Variants in GLRA3 observed in about 807,000 individuals in gnomAD.
GLRA3 encodes glycine receptor alpha 3.
A neutral mutation model predicts 60.4 loss-of-function variants in GLRA3; 44 were observed. The observed-to-expected ratio is 0.73, with a 90% CI of 0.57 to 0.94. The LOEUF is 0.94. Ranked by LOEUF, GLRA3 falls within the 40% of genes least tolerant of loss-of-function variation. GLRA3 has a pLI of 0.00. For missense variants in GLRA3, 508 were observed against 564.6 expected (o/e 0.90, Z 1.02); for synonymous variants, 223 against 192.9 (o/e 1.16, Z -1.29).
At chr4:174,819,284 A>C (rs1457620804) in intron 1 of GLRA3, among the ~76,000 whole-genome samples, 4 of 152,218 alleles carry the variant, frequency 2.6e-5, no homozygotes, top group African/African-American at 9.6e-5. Context: ...TTGAATAAAC[A>C]TTTGCTGATA....
rs571130647 is a variant in GLRA3, at chr4:174,776,185, A to G, written c.200-9155T>C. On this transcript the variant is annotated intron_variant, in intron 2 of 9. Coordinates refer to ENST00000274093, the MANE Select transcript of GLRA3 (RefSeq NM_006529.4). ...TAGGGCAAACACAGTACCTGAAAAT[A>G]CCTCAAACCTTAAGCCTGCTCTATT... Among the ~76,000 whole-genome samples the G allele has an allele frequency of 1.4e-4, 22 of 152,286 alleles. No homozygotes were observed. In the South Asian group the frequency reaches 4.4e-3, roughly 30 times the overall value.
intron 9 of GLRA3, among the ~76,000 whole-genome samples, chr4:174,651,913 T>C (rs895509511): frequency 6.6e-6 from 1 of 152,042 alleles, no homozygotes; most frequent in Non-Finnish European, 1.5e-5. Flanking sequence ...GGATCTCAAC[T>C]CTGTGGGAAG....
intron 5 of GLRA3, among the ~76,000 whole-genome samples, chr4:174,692,386 C>A (rs1014283654): frequency 6.7e-6 from 1 of 150,358 alleles, no homozygotes; most frequent in African/African-American, 2.4e-5. Flanking sequence ...CTGGCCGCCC[C>A]TACTGGGAAG....
At chr4:174,698,999 CTTT>C (rs35453287) in intron 5 of GLRA3, among the ~76,000 whole-genome samples, 8 of 143,814 alleles carry the variant, frequency 5.6e-5, no homozygotes, top group Admixed American at 6.9e-5. Flanking sequence ...CTTATAATTA[CTTT>C]TTTTTTTTTT....
At chr4:174,802,769 A>G (rs1290066292) in intron 1 of GLRA3, among the ~76,000 whole-genome samples, 1 of 152,066 alleles carries the variant, frequency 6.6e-6, no homozygotes, top group Non-Finnish European at 1.5e-5. Context: ...TAAAAGAGAA[A>G]CTTGAGTCAT....
chr4:174,780,838 G>A (rs929215041), intron 2 of GLRA3, among the ~76,000 whole-genome samples: 1 of 152,162 alleles, frequency 6.6e-6, no homozygotes, highest in Non-Finnish European at 1.5e-5. Context: ...CCTACAAAGA[G>A]ACGTAGACAC....
intron 1 of GLRA3, among the ~76,000 whole-genome samples, chr4:174,804,497 G>C (rs1739954552): frequency 6.6e-6 from 1 of 152,038 alleles, no homozygotes; most frequent in Non-Finnish European, 1.5e-5. Flanking sequence ...GGAGAAGAGT[G>C]GAACAACCTA....
intron 3 of GLRA3, among the ~76,000 whole-genome samples, chr4:174,733,291 C>T (rs769616891): frequency 3.9e-5 from 6 of 152,158 alleles, no homozygotes; most frequent in Non-Finnish European, 1.5e-5. Flanking sequence ...GCAAAACACA[C>T]TGGACCTCTG....
rs541799594 is a variant in GLRA3 at position 174,681,171 on chromosome 4, A to G, written c.712+1631T>C. 3.9e-5 allele frequency among the ~76,000 whole-genome samples: 6 copies of G among 152,332 alleles called. No homozygotes were observed. In the South Asian group the frequency reaches 1.2e-3, roughly 32 times the overall value. ...CCTTGCTTATAGTAGGCATTCATAA[A>G]TGTAAGTTCTTTTCCTTTAAGCTGT... On this transcript the variant is annotated intron_variant, in intron 6 of 9. Coordinates refer to ENST00000274093, the MANE Select transcript of GLRA3 (RefSeq NM_006529.4).
At chr4:174,783,759 A>G (rs547382330) in intron 2 of GLRA3, among the ~76,000 whole-genome samples, 6 of 151,184 alleles carry the variant, frequency 4.0e-5, no homozygotes, top group Non-Finnish European at 7.4e-5. Context: ...GCAAATCAAA[A>G]CCACAATGAG....
intron 4 of GLRA3, among the ~76,000 whole-genome samples, chr4:174,725,734 A>G (rs540310624): frequency 6.6e-6 from 1 of 152,226 alleles, no homozygotes; most frequent in Non-Finnish European, 1.5e-5. Flanking sequence ...TGCCTGCCTC[A>G]GCCTCCCAAA....
intron 9 of GLRA3, among the ~76,000 whole-genome samples, chr4:174,652,285 A>G (rs766726025): frequency 2.4e-4 from 37 of 152,224 alleles, no homozygotes; most frequent in East Asian, 3.9e-4. Flanking sequence ...CTCATGGATT[A>G]CATGTCAAAA....
At chr4:174,801,737 C>G (rs1320303984) in intron 1 of GLRA3, among the ~76,000 whole-genome samples, 1 of 152,040 alleles carries the variant, frequency 6.6e-6, no homozygotes, top group African/African-American at 2.4e-5. Flanking sequence ...CTATTCATCT[C>G]ATTAACTCTT....
At chr4:174,646,278 C>T (rs1220260828) in intron 9 of GLRA3, among the ~76,000 whole-genome samples, 2 of 152,204 alleles carry the variant, frequency 1.3e-5, no homozygotes, top group East Asian at 3.8e-4. Flanking sequence ...AGCTGCTCAT[C>T]TCAAAACAAA....
At chr4:174,706,225 G>T (rs922932957) in intron 5 of GLRA3, among the ~76,000 whole-genome samples, 4 of 144,202 alleles carry the variant, frequency 2.8e-5, no homozygotes, top group African/African-American at 1.0e-4. Context: ...GCGAGACTCC[G>T]TCTCAGAAAA....
rs1739324514 is a variant in GLRA3, at chr4:174,791,000, T to C, written c.72-2057A>G. Reference sequence around the variant, plus strand: ...GCCTGGACCACACAGCGAGACTCCATCTCAAAAAAAAAAAAAAAATACTAG... The same window carrying C: ...GCCTGGACCACACAGCGAGACTCCACCTCAAAAAAAAAAAAAAAATACTAG... On this transcript the variant is annotated intron_variant, in intron 1 of 9. Coordinates refer to ENST00000274093, the MANE Select transcript of GLRA3 (RefSeq NM_006529.4). Among the ~76,000 whole-genome samples the C allele has an allele frequency of 2.5e-5, 3 of 121,738 alleles. No homozygotes were observed. The South Asian group carries it at 8.0e-4, about 32-fold the overall frequency. The allele number at this position is 121,738 out of a possible 152,430, so 79.9% of individuals were successfully genotyped here.
chr4:174,682,945 C>T lies in GLRA3; in HGVS notation c.575-6G>A. The T allele has an allele frequency of 6.2e-7, 1 of 1,605,606 alleles. No homozygotes were observed. The highest frequency in any genetic ancestry group is 8.5e-7 in the Non-Finnish European group (1 of 1,174,298). On this transcript the variant is annotated splice_polypyrimidine_tract_variant and splice_region_variant and intron_variant, in intron 5 of 9. Coordinates refer to ENST00000274093, the MANE Select transcript of GLRA3 (RefSeq NM_006529.4). ...ATCATTCATTGTGTACCCAACTAGG[C>T]AAAACATAATAAAAATATGAATAGT...
At chr4:174,778,283 T>G (rs1384012832) in intron 2 of GLRA3, among the ~76,000 whole-genome samples, 3 of 152,146 alleles carry the variant, frequency 2.0e-5, no homozygotes, top group African/African-American at 7.2e-5. Context: ...GAGAAAGAAA[T>G]GGTGGAATCT....
chr4:174,643,492 T>C lies in GLRA3; in HGVS notation c.*294A>G, dbSNP rs553230441. On this transcript the variant is annotated 3_prime_UTR_variant, in exon 10 of 10. Transcript: ENST00000274093. ...ATGTCTACTATTATGAGATATTATA[T>C]AACATATAAACACATTGGCAGTAAA... is the stretch of plus-strand genomic sequence containing the variant. The C allele has an allele frequency of 2.1e-6, 2 of 958,946 alleles. No individual in the cohort carries two copies. Among genetic ancestry groups the C allele is most frequent in the East Asian group, 8.9e-5 (1 of 11,260 alleles). The allele number at this position is 958,946 out of a possible 1,614,324, so 59.4% of individuals were successfully genotyped here.
Sources: gnomAD v4.1 joint callset for allele counts (sites outside exome capture counted in the v4.1 genomes callset) on GRCh38, gnomAD v4.1.1 for gene constraint, MANE v1.5 for transcripts, NCBI Gene and HGNC (gene_info 2026-07-23, HGNC 2026-07-21) for gene names.